Variants in TRPM3 observed in about 807,000 individuals in gnomAD.
The protein encoded by TRPM3 is long transient receptor potential channel 3.
In TRPM3, 77 loss-of-function variants were observed where a neutral mutation model predicts 181.2. The ratio of observed to expected loss-of-function variants is 0.42; its 90% CI spans 0.35 to 0.51. The LOEUF is 0.51. TRPM3 is among the 20% of genes least tolerant of loss of function. The pLI, the probability that TRPM3 is intolerant of heterozygous loss-of-function variation, is 0.01. For missense variants in TRPM3, 1,759 were observed against 2,196.7 expected (o/e 0.80, Z 3.98); for synonymous variants, 745 against 796.4 (o/e 0.94, Z 1.09).
chr9:70,557,529 T>G (rs778900309), intron 22 of TRPM3, among the ~76,000 whole-genome samples: 1 of 152,212 alleles, frequency 6.6e-6, no homozygotes, highest in African/African-American at 2.4e-5. Flanking sequence ...TGTCTACCAC[T>G]GATGAAGATG....
At chr9:71,044,107 A>G (rs1484584320) in intron 1 of TRPM3, among the ~76,000 whole-genome samples, 1 of 152,016 alleles carries the variant, frequency 6.6e-6, no homozygotes, top group Non-Finnish European at 1.5e-5. Context: ...ACTTTCTCTC[A>G]TGAGCATCTG....
chr9:71,250,970 A>C (rs1417073208), intron 1 of TRPM3, among the ~76,000 whole-genome samples: 1 of 152,182 alleles, frequency 6.6e-6, no homozygotes, highest in Non-Finnish European at 1.5e-5. Context: ...AAACATAGTC[A>C]CAGGAGTGAC....
At chr9:70,620,478 C>T (rs953728111) in intron 15 of TRPM3, 113 bp from the exon 16 acceptor site, 12 of 1,186,728 alleles carry the variant, frequency 1.0e-5, no homozygotes, top group African/African-American at 3.1e-5. Context: ...CTGAAATGAA[C>T]GAGGCCAGCT....
intron 6 of TRPM3, among the ~76,000 whole-genome samples, chr9:70,788,575 C>T (rs537726329): frequency 5.3e-5 from 8 of 152,122 alleles, no homozygotes; most frequent in South Asian, 4.1e-4. Flanking sequence ...TTTCCATGGA[C>T]GCCGGAAGGG....
chr9:71,274,039 G>A (rs938643497), intron 1 of TRPM3, among the ~76,000 whole-genome samples: 7 of 152,080 alleles, frequency 4.6e-5, no homozygotes, highest in Non-Finnish European at 8.8e-5. Flanking sequence ...ATCTGTTACC[G>A]GTGGTTGTTG....
chr9:70,927,382 C>A (rs2096731117), intron 1 of TRPM3, among the ~76,000 whole-genome samples: 1 of 152,170 alleles, frequency 6.6e-6, no homozygotes, highest in Admixed American at 6.5e-5. Context: ...CATCACGAAG[C>A]TACTGTCAGA....
At chr9:70,757,069 C>G (rs1235607607) in intron 8 of TRPM3, among the ~76,000 whole-genome samples, 2 of 151,736 alleles carry the variant, frequency 1.3e-5, no homozygotes, top group African/African-American at 4.8e-5. Context: ...CTGAAATGAT[C>G]AACAAAATAG....
chr9:71,159,034 G>A (rs1186792779), intron 1 of TRPM3, among the ~76,000 whole-genome samples: 1 of 151,720 alleles, frequency 6.6e-6, no homozygotes, highest in Non-Finnish European at 1.5e-5. Flanking sequence ...TGGGTCTCCT[G>A]CTTGCAGGAA....
intron 1 of TRPM3, among the ~76,000 whole-genome samples, chr9:71,297,424 G>C (rs527810084): frequency 1.3e-5 from 2 of 152,118 alleles, no homozygotes; most frequent in Non-Finnish European, 2.9e-5. Context: ...ATTTAGAAAC[G>C]AAAGTGGTTT....
intron 1 of TRPM3, among the ~76,000 whole-genome samples, chr9:71,083,444 C>G (rs2064729665): frequency 6.6e-6 from 1 of 152,030 alleles, no homozygotes; most frequent in Admixed American, 6.6e-5. Flanking sequence ...CTTCCCGATC[C>G]TTCATCCTGC....
chr9:71,155,197 G>T (rs996576984), intron 1 of TRPM3, among the ~76,000 whole-genome samples: 3 of 152,150 alleles, frequency 2.0e-5, no homozygotes, highest in Non-Finnish European at 1.5e-5. Context: ...ACCGTTGGGA[G>T]AGCTGGCTTA....
At chr9:71,308,040 G>A (rs766999322) in intron 1 of TRPM3, among the ~76,000 whole-genome samples, 2 of 144,582 alleles carry the variant, frequency 1.4e-5, no homozygotes, top group Non-Finnish European at 3.0e-5. Flanking sequence ...GCACAATCTT[G>A]GCTCACTACA....
intron 1 of TRPM3, among the ~76,000 whole-genome samples, chr9:71,060,738 A>G (rs773900478): frequency 2.0e-5 from 3 of 152,120 alleles, no homozygotes; most frequent in Non-Finnish European, 4.4e-5. Context: ...TTGTCAAAGC[A>G]TTGACAGTAC....
intron 1 of TRPM3, among the ~76,000 whole-genome samples, chr9:71,269,185 A>G (rs2083605706): frequency 6.6e-6 from 1 of 152,232 alleles, no homozygotes; most frequent in South Asian, 2.1e-4. Flanking sequence ...TACATTATAC[A>G]CAAGGCTCTA....
chr9:71,022,357 T>TACATAA, intron 1 of TRPM3, among the ~76,000 whole-genome samples: 1 of 152,068 alleles, frequency 6.6e-6, no homozygotes, highest in Non-Finnish European at 1.5e-5. Context: ...AATAAATACA[T>TACATAA]GAACTTCAAC....
At chr9:71,092,555 G>A (rs1349660986) in intron 1 of TRPM3, among the ~76,000 whole-genome samples, 2 of 151,966 alleles carry the variant, frequency 1.3e-5, no homozygotes, top group Non-Finnish European at 2.9e-5. Flanking sequence ...GGTTAGGAAG[G>A]TATTTACCAA....
rs555846237 is a variant in TRPM3, at chr9:70,553,601, C to T, written c.3224-291G>A. ...TCACACTGCCGCTAGGCCCCTACACCGGGTGAGGGGCACTTGGTGCTCTTC... is the reference window on the plus strand; with the variant it reads ...TCACACTGCCGCTAGGCCCCTACACTGGGTGAGGGGCACTTGGTGCTCTTC... On this transcript the variant is annotated intron_variant, in intron 22 of 25. Coordinates refer to ENST00000677713, the MANE Select transcript of TRPM3 (RefSeq NM_001366145.2). 6.6e-5 allele frequency among the ~76,000 whole-genome samples: 10 copies of T among 152,244 alleles called. No homozygotes were observed. In the East Asian group the frequency reaches 1.7e-3, roughly 27 times the overall value.
chr9:70,567,788 T>TG (rs1297169547), intron 22 of TRPM3, among the ~76,000 whole-genome samples: 1 of 152,184 alleles, frequency 6.6e-6, no homozygotes, highest in Non-Finnish European at 1.5e-5. Context: ...CCAGTATTCG[T>TG]GGGGGTATTT....
intron 1 of TRPM3, among the ~76,000 whole-genome samples, chr9:71,173,785 T>C (rs1444959644): frequency 6.6e-6 from 1 of 152,236 alleles, no homozygotes; most frequent in African/African-American, 2.4e-5. Context: ...AACTTTTAAT[T>C]TGTTTTTAGA....
Sources: allele counts gnomAD v4.1 joint callset (sites outside exome capture counted in the v4.1 genomes callset), GRCh38; gene constraint gnomAD v4.1.1; transcripts MANE v1.5; gene names NCBI Gene and HGNC (gene_info 2026-07-23, HGNC 2026-07-21).